The following CEP70 variants were observed in gnomAD, a reference collection of about 807,000 sequenced individuals.
The protein encoded by CEP70 is centrosomal protein 70.
Under a neutral mutation model 90.9 loss-of-function variants are expected in CEP70, and 70 were observed. The ratio of observed to expected loss-of-function variants is 0.77; its 90% CI spans 0.64 to 0.94. The LOEUF is 0.94. Ranked by LOEUF, CEP70 falls within the 40% of genes least tolerant of loss-of-function variation. The probability of loss-of-function intolerance (pLI) is 0.00; values close to 1 mark genes in which losing one functional copy is unlikely to be tolerated. For missense variants in CEP70, 648 were observed against 669.0 expected, an observed-to-expected ratio of 0.97 and a Z score of 0.35; for synonymous variants, 220 against 228.3, an observed-to-expected ratio of 0.96 and a Z score of 0.33.
chr3:138,547,567 C>G (rs2107915475), intron 6 of CEP70, among the ~76,000 whole-genome samples: 1 of 152,276 alleles, frequency 6.6e-6, no homozygotes, highest in Non-Finnish European at 1.5e-5. Context: ...CCTTATTAAG[C>G]CAAGAACTTT....
intron 7 of CEP70, among the ~76,000 whole-genome samples, chr3:138,536,551 A>G (rs1049440136): frequency 1.3e-5 from 2 of 152,020 alleles, no homozygotes; most frequent in African/African-American, 2.4e-5. Flanking sequence ...AAAGCTGCCC[A>G]GAAATTTAAA....
intron 11 of CEP70, among the ~76,000 whole-genome samples, chr3:138,519,810 AG>A (rs2036431821): frequency 6.6e-6 from 1 of 152,204 alleles, no homozygotes; most frequent in African/African-American, 2.4e-5. Context: ...TCATAATGAC[AG>A]GATCAAATTC....
Position 138,529,404 on chromosome 3 carries a change from C to T in CEP70, c.751G>A (p.Ala251Thr), listed in dbSNP as rs1371342588. The change falls in exon 9 of 18, where the codon GCC becomes ACC. Residue 251 changes from alanine to threonine, a missense_variant. Ala to Thr is a moderately conservative substitution (Grantham distance 58, BLOSUM62 0). Coordinates refer to ENST00000264982, the MANE Select transcript of CEP70 (RefSeq NM_024491.4). ...AAAAGGCCTTTATAAGTTGGTGAGG[C>T]ATCCAGATTTCTGTAGTCGTTTTCT... ...EEENDYRNLDASPTYKGLLMS... is the reference protein window; with the variant it reads ...EEENDYRNLDTSPTYKGLLMS... The T allele has an allele frequency of 1.1e-5, 17 of 1,611,040 alleles. No individual in the cohort carries two copies. Among genetic ancestry groups the T allele is most frequent in the Non-Finnish European group, 1.4e-5 (17 of 1,178,640 alleles).
chr3:138,521,439 G>A lies in CEP70; in HGVS notation c.944+4051C>T, dbSNP rs528509944. Among the ~76,000 whole-genome samples, 64 of 151,094 alleles carry A rather than the reference G, an allele frequency of 4.2e-4. 1 individual carries two copies. The South Asian group carries it at 7.5e-3, about 18-fold the overall frequency. On this transcript the variant is annotated intron_variant, in intron 11 of 17. Coordinates refer to ENST00000264982, the MANE Select transcript of CEP70 (RefSeq NM_024491.4). ...CCAGCCGCCCAGTCTGGGAAGTGAG[G>A]AGTGCCTCTTCCAGGCCGTCATCCT... is the stretch of plus-strand genomic sequence containing the variant.
chr3:138,571,841 C>T (rs980442719), intron 3 of CEP70, among the ~76,000 whole-genome samples: 3 of 152,146 alleles, frequency 2.0e-5, no homozygotes, highest in African/African-American at 7.2e-5. Context: ...TGCAGCGGTA[C>T]GATCTCGGCT....
chr3:138,497,375 T>G, intron 17 of CEP70: 1 of 1,223,580 alleles, frequency 8.2e-7, no homozygotes, highest in Non-Finnish European at 1.0e-6. Context: ...CAGAAAAAAT[T>G]CACTGGTGAA....
intron 12 of CEP70, 149 bp downstream of exon 12, chr3:138,508,290 G>T: frequency 1.6e-6 from 1 of 610,920 alleles, no homozygotes; most frequent in Non-Finnish European, 2.9e-6. Context: ...TAGTCAAATA[G>T]TTATGTCACG....
intron 6 of CEP70, among the ~76,000 whole-genome samples, chr3:138,546,858 T>A (rs944537149): frequency 3.3e-5 from 5 of 152,156 alleles, no homozygotes; most frequent in African/African-American, 1.2e-4. Flanking sequence ...CTGGCCTGTA[T>A]AATACAGACA....
At position 138,562,449 on chromosome 3, in the gene CEP70, C is replaced by A. The variant is rs142050079; in HGVS notation, c.465+7869G>T. Among the ~76,000 whole-genome samples, 257 of 152,244 alleles carry A rather than the reference C, an allele frequency of 1.7e-3. 7 individuals carry two copies. The East Asian group carries it at 0.042, about 25-fold the overall frequency. On this transcript the variant is annotated intron_variant, in intron 6 of 17. Transcript: ENST00000264982. ...GAAATGAAGGAAAAAATGTTAAGGG[C>A]AGCCAGAGAAAAAGGTTGGGGTTAC...
chr3:138,517,660 C>G (rs1170707816), intron 11 of CEP70, among the ~76,000 whole-genome samples: 1 of 152,174 alleles, frequency 6.6e-6, no homozygotes, highest in East Asian at 1.9e-4. Context: ...CAGAGCAAGA[C>G]TCCGTCTCAA....
chr3:138,523,719 A>G (rs920079606), intron 11 of CEP70, among the ~76,000 whole-genome samples: 1 of 152,196 alleles, frequency 6.6e-6, no homozygotes, highest in African/African-American at 2.4e-5. Flanking sequence ...TCAATGAAAT[A>G]AAAGAGGATA....
intron 13 of CEP70, among the ~76,000 whole-genome samples, chr3:138,503,059 C>G (rs1008632245): frequency 6.6e-6 from 1 of 152,154 alleles, no homozygotes; most frequent in Non-Finnish European, 1.5e-5. Context: ...ACCATCTTAA[C>G]AATTTTTAAA....
chr3:138,546,432 T>C lies in CEP70; in HGVS notation c.466-9085A>G, dbSNP rs1301475915. 3.9e-5 allele frequency among the ~76,000 whole-genome samples: 6 copies of C among 152,304 alleles called. No homozygotes were observed. In the East Asian group the frequency reaches 1.2e-3, roughly 29 times the overall value. On this transcript the variant is annotated intron_variant, in intron 6 of 17. Coordinates refer to ENST00000264982, the MANE Select transcript of CEP70 (RefSeq NM_024491.4). ...ATTCTCTAGCTTCTATCCCTCAGTA[T>C]CCTTTTAAAGCTCATTATCAAAAAG... is the stretch of plus-strand genomic sequence containing the variant.
chr3:138,584,475 AAAAAG>A (rs2042014601), intron 2 of CEP70, among the ~76,000 whole-genome samples: 1 of 149,638 alleles, frequency 6.7e-6, no homozygotes, highest in Non-Finnish European at 1.5e-5. Flanking sequence ...AAAAAAAAAA[AAAAAG>A]AGAGAGAGAG....
Position 138,500,784 on chromosome 3 carries a change from A to G in CEP70, c.1319T>C (p.Leu440Ser). The change falls in exon 14 of 18, where the codon TTG (leucine) becomes TCG (serine). Residue 440 changes from leucine (L) to serine (S), a missense_variant. Coordinates refer to ENST00000264982, the MANE Select transcript of CEP70 (RefSeq NM_024491.4). ...CAGCATAGTATCTACTATAAACAACAAATCTTCAACTTTGATACCTTCATT... is the reference window on the plus strand; with the variant it reads ...CAGCATAGTATCTACTATAAACAACGAATCTTCAACTTTGATACCTTCATT... ...DENEGIKVED[L>S]LFIVDTMLEE... 2 of 1,606,916 alleles carry G rather than the reference A, an allele frequency of 1.2e-6. No individual in the cohort carries two copies. Among genetic ancestry groups the G allele is most frequent in the Non-Finnish European group, 1.7e-6 (2 of 1,175,676 alleles).
intron 10 of CEP70, among the ~76,000 whole-genome samples, chr3:138,527,677 A>C: frequency 6.9e-6 from 1 of 145,910 alleles, no homozygotes. Flanking sequence ...CCTGGGCGAC[A>C]GAGCAAGACT....
intron 6 of CEP70, among the ~76,000 whole-genome samples, chr3:138,564,036 A>T (rs1332276828): frequency 6.6e-6 from 1 of 152,228 alleles, no homozygotes; most frequent in Non-Finnish European, 1.5e-5. Flanking sequence ...ATCCCACAGA[A>T]ATACAAACTG....
intron 6 of CEP70, among the ~76,000 whole-genome samples, chr3:138,564,355 A>G (rs2040623779): frequency 6.6e-6 from 1 of 152,180 alleles, no homozygotes; most frequent in Non-Finnish European, 1.5e-5. Flanking sequence ...TCTGAGGCCA[A>G]CATCATCCTG....
At chr3:138,525,263 A>G (rs959175866) in intron 11 of CEP70, among the ~76,000 whole-genome samples, 7 of 143,268 alleles carry the variant, frequency 4.9e-5, no homozygotes, top group Non-Finnish European at 9.2e-5. Context: ...GGGGCCTGTT[A>G]TGGGGTGGGG....
Sources: gnomAD v4.1 joint callset for allele counts (sites outside exome capture counted in the v4.1 genomes callset) on GRCh38, gnomAD v4.1.1 for gene constraint, MANE v1.5 for transcripts, NCBI Gene and HGNC (gene_info 2026-07-23, HGNC 2026-07-21) for gene names.